Variants in RPGRIP1 observed in about 807,000 individuals in gnomAD.
The protein encoded by RPGRIP1 is RPGR interacting protein 1.
In RPGRIP1, 128 loss-of-function variants were observed where a neutral mutation model predicts 157.9. The observed-to-expected ratio is 0.81, with a 90% CI of 0.70 to 0.94. RPGRIP1 has a LOEUF of 0.94. RPGRIP1 is among the 40% of genes least tolerant of loss of function. The pLI, the probability that RPGRIP1 is intolerant of heterozygous loss-of-function variation, is 0.00. For synonymous variants in RPGRIP1, 554 were observed against 571.6 expected, an observed-to-expected ratio of 0.97 and a Z score of 0.44; for missense variants, 1,486 against 1,545.8, an observed-to-expected ratio of 0.96 and a Z score of 0.65.
chr14:21,285,482 G>A (rs1237765520), intron 1 of RPGRIP1, among the ~76,000 whole-genome samples: 5 of 151,774 alleles, frequency 3.3e-5, no homozygotes. Flanking sequence ...GCACGTGCCT[G>A]TAGTCCGAGC....
At chr14:21,290,854 T>C (rs2139137205) in intron 2 of RPGRIP1, among the ~76,000 whole-genome samples, 1 of 148,278 alleles carries the variant, frequency 6.7e-6, no homozygotes, top group Middle Eastern at 3.6e-3. Context: ...AAGAAAAAGT[T>C]AGCTGGGCCA....
chr14:21,301,208 G>C lies in RPGRIP1; in HGVS notation c.461G>C (p.Gly154Ala), dbSNP rs778179468. 29 of 1,592,222 alleles carry C rather than the reference G, an allele frequency of 1.8e-5. No individual in the cohort carries two copies. Among genetic ancestry groups the C allele is most frequent in the Non-Finnish European group, 2.3e-5 (27 of 1,170,328 alleles). ...GGACACAGACAGCTCCACACAGCCGGTGCACCGGTGCCGGAGAAACCCAAG... is the reference window on the plus strand; with the variant it reads ...GGACACAGACAGCTCCACACAGCCGCTGCACCGGTGCCGGAGAAACCCAAG... Reference protein sequence around the residue: ...QVGHRQLHTAGAPVPEKPKRG... With the variant: ...QVGHRQLHTAAAPVPEKPKRG... Residue 154 changes from glycine to alanine, a missense_variant, in exon 4 of 25, where the codon GGT becomes GCT. By Grantham distance (60) the Gly-to-Ala change is moderately conservative (BLOSUM62 0). Coordinates refer to ENST00000400017, the MANE Select transcript of RPGRIP1 (RefSeq NM_020366.4).
intron 7 of RPGRIP1, among the ~76,000 whole-genome samples, chr14:21,309,634 G>A (rs1881464399): frequency 6.6e-6 from 1 of 152,142 alleles, no homozygotes; most frequent in Admixed American, 6.6e-5. Flanking sequence ...GAGCAGAGGT[G>A]AGAAACATCA....
Position 21,311,901 on chromosome 14 carries a change from A to C in RPGRIP1, c.1008A>C (p.Glu336Asp). ...VNELRAELKE[E>D]SKKAVSLKSQ... ...AGCTCAGGGCAGAGCTGAAGGAAGA[A>C]AGCAAGAAGGCTGTGAGCTTGAAGA... Residue 336 changes from glutamate to aspartate, a missense_variant, in exon 9 of 25, where the codon GAA becomes GAC. Coordinates refer to ENST00000400017, the MANE Select transcript of RPGRIP1 (RefSeq NM_020366.4). 1 of 1,613,062 alleles carries C rather than the reference A, an allele frequency of 6.2e-7. No homozygotes were observed. Among genetic ancestry groups the C allele is most frequent in the Non-Finnish European group, 8.5e-7 (1 of 1,179,528 alleles).
rs370189089 is a variant in RPGRIP1, at chr14:21,331,444, C to T, written c.3238+1057C>T. Among the ~76,000 whole-genome samples, 50 of 152,192 alleles carry T rather than the reference C, an allele frequency of 3.3e-4. No homozygotes were observed. The East Asian group carries it at 6.6e-3, about 20-fold the overall frequency. On this transcript the variant is annotated intron_variant, in intron 20 of 24. Transcript: ENST00000400017. The stretch of plus-strand genomic sequence containing the variant: ...GGCTGAGGCAGGAGAATTGCTTAAA[C>T]CCAGGAGGCAGAGGTTGCAGTGAGC...
In RPGRIP1 at chr14:21,350,391, A is replaced by AAACAAAC. The variant is rs1555307776; in HGVS notation, c.3749-711_3749-710insCAAACAA. Among the ~76,000 whole-genome samples the AAACAAAC allele has an allele frequency of 2.1e-4, 30 of 142,790 alleles. 4 individuals carry two copies. The highest frequency in any genetic ancestry group is 4.3e-4 in the South Asian group (2 of 4,644). 93.7% of individuals were successfully genotyped at this position (142,790 alleles called of 152,430 possible). On this transcript the variant is annotated intron_variant, in intron 24 of 24. Coordinates refer to ENST00000400017, the MANE Select transcript of RPGRIP1 (RefSeq NM_020366.4). ...ACTCTGTCTCCAAAAAAAAAAAAAA[A>AAACAAAC]AAAAAGAAAACAGGAATTAAGAGTA...
intron 7 of RPGRIP1, among the ~76,000 whole-genome samples, chr14:21,309,305 A>T (rs187322843): frequency 6.6e-6 from 1 of 152,206 alleles, no homozygotes; most frequent in Non-Finnish European, 1.5e-5. Flanking sequence ...TGAGCTCAGG[A>T]ATTCGAGACC....
intron 6 of RPGRIP1, 61 bp from the exon 7 acceptor site, chr14:21,307,670 G>T (rs1881373770): frequency 1.8e-6 from 2 of 1,097,418 alleles, no homozygotes; most frequent in South Asian, 1.4e-5. Flanking sequence ...CATAGTCAAG[G>T]AGAAAATGTC....
intron 19 of RPGRIP1, among the ~76,000 whole-genome samples, chr14:21,329,250 C>T (rs1459202068): frequency 6.6e-6 from 1 of 151,322 alleles, no homozygotes; most frequent in Non-Finnish European, 1.5e-5. Flanking sequence ...ACCCAGGAGG[C>T]GGAGGTTGCA....
chr14:21,329,309 A>G (rs574580041), intron 19 of RPGRIP1, among the ~76,000 whole-genome samples: 55 of 151,742 alleles, frequency 3.6e-4, no homozygotes, highest in African/African-American at 1.2e-3. Flanking sequence ...ACAGAGCAAG[A>G]CTCCATCTCA....
chr14:21,296,155 G>T (rs1426875803), intron 3 of RPGRIP1, among the ~76,000 whole-genome samples: 1 of 150,350 alleles, frequency 6.7e-6, no homozygotes, highest in Non-Finnish European at 1.5e-5. Flanking sequence ...AGGCTGGAGT[G>T]CAGTGGTGCG....
intron 1 of RPGRIP1, among the ~76,000 whole-genome samples, 82 bp downstream of exon 1, chr14:21,280,241 C>CTT (rs35642254): frequency 0.012 from 1,259 of 109,368 alleles, 46 homozygotes; most frequent in South Asian, 0.02. Context: ...TAAGTTTATT[C>CTT]TTTTTTTTTT....
At chr14:21,333,378 T>C (rs893382398) in intron 20 of RPGRIP1, among the ~76,000 whole-genome samples, 11 of 152,210 alleles carry the variant, frequency 7.2e-5, no homozygotes, top group African/African-American at 2.7e-4. Context: ...ACCTTTTCCC[T>C]TTGAGACCTC....
intron 3 of RPGRIP1, among the ~76,000 whole-genome samples, chr14:21,296,005 G>A (rs191135220): frequency 1.9e-4 from 29 of 151,380 alleles, no homozygotes; most frequent in Admixed American, 1.3e-3. Flanking sequence ...GCGCAGTCTC[G>A]GCTCACTGCA....
At chr14:21,326,707 T>C (rs1177191819) in intron 17 of RPGRIP1, among the ~76,000 whole-genome samples, 2 of 152,086 alleles carry the variant, frequency 1.3e-5, no homozygotes, top group Non-Finnish European at 2.9e-5. Flanking sequence ...CTGTCTAGTA[T>C]CTGTCTTTAC....
At chr14:21,299,985 G>C (rs1014231294) in intron 3 of RPGRIP1, among the ~76,000 whole-genome samples, 1 of 152,138 alleles carries the variant, frequency 6.6e-6, no homozygotes, top group Non-Finnish European at 1.5e-5. Flanking sequence ...CCACCCTTGT[G>C]AACTCATTTA....
At chr14:21,343,957 C>T (rs1293684287) in intron 22 of RPGRIP1, among the ~76,000 whole-genome samples, 3 of 118,812 alleles carry the variant, frequency 2.5e-5, no homozygotes, top group African/African-American at 9.6e-5. Flanking sequence ...CTCCTGGACT[C>T]AAATGATTCT....
intron 3 of RPGRIP1, 21 bp downstream of exon 3, chr14:21,294,830 ATTTTTTTTTTTTTTTTTT>A: frequency 9.0e-6 from 7 of 774,710 alleles, no homozygotes; most frequent in East Asian, 8.2e-5. Context: ...TTCTCCTTAA[ATTTTTTTTTTTTTTTTTT>A]TTTTTTTTTT....
intron 14 of RPGRIP1, chr14:21,324,261 G>A: frequency 6.0e-6 from 2 of 335,832 alleles, no homozygotes; most frequent in South Asian, 2.8e-5. Flanking sequence ...TCATGTTTTT[G>A]TGTTTCTAGT....
Sources: allele counts gnomAD v4.1 joint callset (sites outside exome capture counted in the v4.1 genomes callset), GRCh38; gene constraint gnomAD v4.1.1; transcripts MANE v1.5; gene names NCBI Gene and HGNC (gene_info 2026-07-23, HGNC 2026-07-21).